Variants in MMS19 observed in about 807,000 individuals in gnomAD.
The protein encoded by MMS19 is MMS19 nucleotide excision repair protein homolog.
In MMS19, 77 loss-of-function variants were observed where a neutral mutation model predicts 129.8. The observed-to-expected ratio is 0.59, with a 90% CI of 0.49 to 0.72. The LOEUF (loss-of-function observed/expected upper bound fraction) is 0.72. MMS19 is among the 30% of genes least tolerant of loss of function. The pLI, the probability that MMS19 is intolerant of heterozygous loss-of-function variation, is 0.00. For missense variants in MMS19, 1,168 were observed against 1,266.3 expected, an observed-to-expected ratio of 0.92 and a Z score of 1.18; for synonymous variants, 491 against 502.8, an observed-to-expected ratio of 0.98 and a Z score of 0.31.
chr10:97,471,322 T>C (rs371442327), intron 8 of MMS19, among the ~76,000 whole-genome samples: 1 of 152,126 alleles, frequency 6.6e-6, no homozygotes, highest in East Asian at 1.9e-4. Context: ...GTTGTACCAG[T>C]TTATCTAGAT....
At chr10:97,478,470 C>A in intron 3 of MMS19, 81 bp from the exon 4 acceptor site, 1 of 1,022,250 alleles carries the variant, frequency 9.8e-7, no homozygotes, top group Non-Finnish European at 1.5e-6. Context: ...AAGTCTATAA[C>A]AGTTGTTTCT....
Position 97,460,287 on chromosome 10 carries a change from A to G in MMS19, c.2470-55T>C, listed in dbSNP as rs1589554904. 3 of 1,544,146 alleles carry G rather than the reference A, an allele frequency of 1.9e-6. No individual in the cohort carries two copies. In the East Asian group the frequency reaches 6.8e-5, roughly 35 times the overall value. On this transcript the variant is annotated intron_variant, in intron 25 of 30. Transcript: ENST00000438925. ...CAGGGAAGAAGAATCTTAAGTGCCA[A>G]AGATAAGGATGGGGCCGGGTGTGGT...
At position 97,458,839 on chromosome 10, in the gene MMS19, CTCT is replaced by C. The variant is rs2030670320; in HGVS notation, c.3023_3025del (p.Lys1008del). 6.2e-7 allele frequency: 1 copy of C among 1,614,042 alleles called. No homozygotes were observed. The highest frequency in any genetic ancestry group is 8.5e-7 in the Non-Finnish European group (1 of 1,179,902). On this transcript the variant is annotated inframe_deletion, in exon 30 of 31. Transcript: ENST00000438925. ...TGACACTGCTTCCTTGCGCACCAGT[CTCT>C]TCTTGTCATCCAGGGGTTTGGCTAA...
At chr10:97,480,279 G>C (rs78892654) in intron 3 of MMS19, 2 of 463,460 alleles carry the variant, frequency 4.3e-6, no homozygotes, top group East Asian at 7.0e-5. Context: ...CCCTCTCTTG[G>C]CTTTGGAGCC....
At chr10:97,466,939 C>T (rs2033620829) in intron 14 of MMS19, 38 bp from the exon 15 acceptor site, 1 of 1,611,970 alleles carries the variant, frequency 6.2e-7, no homozygotes, top group Non-Finnish European at 8.5e-7. Context: ...AAGGAAGCCA[C>T]TGCATTCCAT....
At chr10:97,471,555 T>C (rs1466098364) in intron 8 of MMS19, among the ~76,000 whole-genome samples, 1 of 152,114 alleles carries the variant, frequency 6.6e-6, no homozygotes, top group African/African-American at 2.4e-5. Context: ...CTGTCACCCA[T>C]GCTGGATTGC....
intron 1 of MMS19, among the ~76,000 whole-genome samples, chr10:97,491,151 A>G (rs2038800259): frequency 6.6e-6 from 1 of 152,238 alleles, no homozygotes; most frequent in African/African-American, 2.4e-5. Flanking sequence ...AATTTCAATA[A>G]TGGGCACAGA....
intron 6 of MMS19, 43 bp from the exon 7 acceptor site, chr10:97,477,006 A>T (rs2035897709): frequency 6.2e-7 from 1 of 1,611,184 alleles, no homozygotes; most frequent in South Asian, 1.1e-5. Context: ...CCCACAGCAC[A>T]GAAAGTGTGG....
chr10:97,491,033 G>A lies in MMS19; in HGVS notation c.113-6882C>T, dbSNP rs11599495. 5.4e-3 allele frequency among the ~76,000 whole-genome samples: 822 copies of A among 152,270 alleles called. 9 individuals carry two copies. Among genetic ancestry groups the A allele is most frequent in the South Asian group, 7.3e-3 (35 of 4,826 alleles). On this transcript the variant is annotated intron_variant, in intron 1 of 30. Transcript: ENST00000438925. ...ACTGAAACACCTATTTCTGGGTTAC[G>A]AACCACAAAAGGGCATTGCAACATT...
At chr10:97,491,993 C>T (rs2038969099) in intron 1 of MMS19, among the ~76,000 whole-genome samples, 1 of 151,222 alleles carries the variant, frequency 6.6e-6, no homozygotes. Flanking sequence ...CAAAAACTAG[C>T]CGGGTGTGGT....
At chr10:97,468,167 C>G (rs2033928812) in intron 13 of MMS19, 85 bp downstream of exon 13, 1 of 1,375,556 alleles carries the variant, frequency 7.3e-7, no homozygotes, top group Admixed American at 2.5e-5. Context: ...CTATGTTGGC[C>G]CAAGCTAAAA....
At chr10:97,496,508 T>A (rs867991949) in intron 1 of MMS19, among the ~76,000 whole-genome samples, 2 of 108,512 alleles carry the variant, frequency 1.8e-5, no homozygotes, top group African/African-American at 7.8e-5. Context: ...AGGGACCTTG[T>A]CTCAAAAAAA....
chr10:97,489,251 G>A (rs776681976), intron 1 of MMS19, among the ~76,000 whole-genome samples: 49 of 152,154 alleles, frequency 3.2e-4, no homozygotes, highest in Non-Finnish European at 5.0e-4. Context: ...TAATATGTGC[G>A]TAGCATTGTT....
chr10:97,466,274 G>A, intron 16 of MMS19, 115 bp from the exon 17 acceptor site: 1 of 891,922 alleles, frequency 1.1e-6, no homozygotes, highest in Non-Finnish European at 1.8e-6. Flanking sequence ...TTGCTAAAGA[G>A]CAGAACTCAA....
At chr10:97,497,503 A>T (rs2040012352) in intron 1 of MMS19, among the ~76,000 whole-genome samples, 1 of 150,650 alleles carries the variant, frequency 6.6e-6, no homozygotes, top group African/African-American at 2.4e-5. Flanking sequence ...GCCTCCTAAC[A>T]TTCAATAACT....
In MMS19 at chr10:97,473,262, C is replaced by G. The variant is rs369784862; in HGVS notation, c.685-2401G>C. Reference sequence around the variant, plus strand: ...TGTTGGTCAGGCTAGTCTCGAACTCCTGACCTCAAGTGATCCACCCGCCTC... The same window carrying G: ...TGTTGGTCAGGCTAGTCTCGAACTCGTGACCTCAAGTGATCCACCCGCCTC... On this transcript the variant is annotated intron_variant, in intron 8 of 30. Transcript: ENST00000438925. Among the ~76,000 whole-genome samples, 14 of 152,154 alleles carry G rather than the reference C, an allele frequency of 9.2e-5. No homozygotes were observed. In the East Asian group the frequency reaches 1.9e-3, roughly 21 times the overall value.
At chr10:97,459,119 C>G in intron 29 of MMS19, 104 bp downstream of exon 29, 3 of 1,142,036 alleles carry the variant, frequency 2.6e-6, no homozygotes, top group Non-Finnish European at 3.7e-6. Context: ...ATTCAGATCT[C>G]AATTACACAC....
chr10:97,475,043 A>C (rs910529962), intron 8 of MMS19, among the ~76,000 whole-genome samples: 14 of 152,258 alleles, frequency 9.2e-5, no homozygotes, highest in African/African-American at 2.9e-4. Flanking sequence ...AGCACTGCTC[A>C]TAACAGCAAA....
intron 1 of MMS19, among the ~76,000 whole-genome samples, chr10:97,487,403 C>T (rs901124574): frequency 6.6e-6 from 1 of 151,312 alleles, no homozygotes; most frequent in Non-Finnish European, 1.5e-5. Context: ...ACTGCAAGCT[C>T]CGCCTCCCGG....
Sources: allele counts gnomAD v4.1 joint callset (sites outside exome capture counted in the v4.1 genomes callset), GRCh38; gene constraint gnomAD v4.1.1; transcripts MANE v1.5; gene names NCBI Gene and HGNC (gene_info 2026-07-23, HGNC 2026-07-21).